The following RTN4 variants were observed in gnomAD, a reference collection of about 807,000 sequenced individuals.
RTN4 encodes reticulon 4.
Under a neutral mutation model 90.4 loss-of-function variants are expected in RTN4, and 32 were observed. The ratio of observed to expected loss-of-function variants is 0.35; its 90% CI spans 0.27 to 0.48. The LOEUF (loss-of-function observed/expected upper bound fraction) is 0.48. RTN4 is among the 20% of genes least tolerant of loss of function. The probability of loss-of-function intolerance (pLI) is 0.99; values close to 1 mark genes in which losing one functional copy is unlikely to be tolerated. For missense variants in RTN4, 1,706 were observed against 1,430.2 expected, an observed-to-expected ratio of 1.19 and a Z score of -3.11; for synonymous variants, 629 against 552.5, an observed-to-expected ratio of 1.14 and a Z score of -1.94.
At chr2:54,978,235 G>A (rs1377320069) in intron 5 of RTN4, among the ~76,000 whole-genome samples, 1 of 152,108 alleles carries the variant, frequency 6.6e-6, no homozygotes, top group East Asian at 1.9e-4. Context: ...TTCGAGACCA[G>A]TCTGGCCAAC....
intron 1 of RTN4, among the ~76,000 whole-genome samples, chr2:55,084,256 T>C (rs1003430238): frequency 4.0e-5 from 6 of 151,410 alleles, no homozygotes; most frequent in Non-Finnish European, 7.4e-5. Context: ...ATACATTGCC[T>C]TGTGCATCTT....
chr2:55,090,243 C>T lies in RTN4; in HGVS notation c.-213-9604G>A, dbSNP rs192255072. On this transcript the variant is annotated intron_variant, in intron 1 of 3. Transcript: ENST00000427710. ...GGTATGATAAGGCCATAGAACTATCCCCAAATGTCCCCTAGGTAGAGTGGC... is the reference window on the plus strand; with the variant it reads ...GGTATGATAAGGCCATAGAACTATCTCCAAATGTCCCCTAGGTAGAGTGGC... 2.5e-3 allele frequency among the ~76,000 whole-genome samples: 386 copies of T among 152,192 alleles called. 3 individuals are homozygous for T. The highest frequency in any genetic ancestry group is 5.0e-3 in the South Asian group (24 of 4,824).
chr2:55,130,617 G>A, the RTN4 span, among the ~76,000 whole-genome samples: 2 of 152,138 alleles, frequency 1.3e-5, no homozygotes, highest in African/African-American at 4.8e-5. Flanking sequence ...CAGGCATGGT[G>A]GTGCATGCCT....
the RTN4 span, among the ~76,000 whole-genome samples, chr2:55,135,213 T>G: frequency 5.7e-5 from 7 of 123,096 alleles, no homozygotes; most frequent in Non-Finnish European, 1.2e-4. Flanking sequence ...TTTTGGTTTT[T>G]TTTTTTTTTT....
At chr2:55,116,711 A>C (rs1240161472), upstream of RTN4, among the ~76,000 whole-genome samples, 1 of 152,162 alleles carries the variant, frequency 6.6e-6, no homozygotes, top group Non-Finnish European at 1.5e-5. Flanking sequence ...GCAGGACCAG[A>C]ATTCAGGTTG....
intron 1 of RTN4, among the ~76,000 whole-genome samples, chr2:55,047,065 G>A (rs1456760579): frequency 1.3e-5 from 2 of 152,158 alleles, no homozygotes; most frequent in Non-Finnish European, 2.9e-5. Flanking sequence ...AGTGGCTCAT[G>A]CCTGTAATCC....
intron 3 of RTN4, among the ~76,000 whole-genome samples, chr2:54,991,332 CAG>C (rs1190165497): frequency 3.3e-5 from 5 of 152,206 alleles, no homozygotes; most frequent in South Asian, 2.1e-4. Flanking sequence ...AATATTATAA[CAG>C]AGTTACTGTT....
chr2:55,023,657 A>G (rs1308022559), intron 3 of RTN4, among the ~76,000 whole-genome samples: 3 of 151,924 alleles, frequency 2.0e-5, no homozygotes, highest in Non-Finnish European at 4.4e-5. Flanking sequence ...TCCTACCTCC[A>G]CTGCATACTC....
At chr2:55,116,091 C>CTTGTTT (rs1668119779), upstream of RTN4, among the ~76,000 whole-genome samples, 1 of 105,474 alleles carries the variant, frequency 9.5e-6, no homozygotes, top group Admixed American at 1.1e-4. Context: ...GGGGACTAGT[C>CTTGTTT]TTTTTTTTTT....
At chr2:55,047,293 G>A (rs1243923243) in intron 1 of RTN4, among the ~76,000 whole-genome samples, 1 of 148,450 alleles carries the variant, frequency 6.7e-6, no homozygotes, top group Admixed American at 6.8e-5. Context: ...TTGCGTCATT[G>A]CACTCCAGCC....
intron 3 of RTN4, among the ~76,000 whole-genome samples, chr2:55,003,746 A>AGACTTTTTTCCT (rs1680009734): frequency 6.6e-6 from 1 of 152,234 alleles, no homozygotes; most frequent in Non-Finnish European, 1.5e-5. Context: ...AAGCAAGTAC[A>AGACTTTTTTCCT]GACTTTTTTC....
chr2:54,973,438 C>A, intron 8 of RTN4, 125 bp downstream of exon 8: 1 of 828,274 alleles, frequency 1.2e-6, no homozygotes, highest in East Asian at 2.6e-5. Flanking sequence ...CTTTTGGCAA[C>A]TCTGAAGTCA....
At chr2:55,082,794 C>A (rs887461113) in intron 1 of RTN4, among the ~76,000 whole-genome samples, 2 of 152,160 alleles carry the variant, frequency 1.3e-5, no homozygotes, top group African/African-American at 4.8e-5. Flanking sequence ...TGTTATCTCA[C>A]TTAATCGTTA....
rs564268587 is a variant in RTN4, at chr2:54,975,915, T to A, written c.3361-1151A>T. On this transcript the variant is annotated intron_variant, in intron 5 of 8. Transcript: ENST00000337526. ...TTAATATCTGTCAATTGAAAAAAAA[T>A]TTTTTTAAGCTGCCGTATTCTTAGC... Among the ~76,000 whole-genome samples the A allele has an allele frequency of 1.2e-3, 179 of 152,228 alleles. 4 individuals carry two copies. The South Asian group carries it at 0.027, about 23-fold the overall frequency.
chr2:54,988,309 T>G (rs777319144), intron 3 of RTN4, among the ~76,000 whole-genome samples: 3 of 152,180 alleles, frequency 2.0e-5, no homozygotes, highest in Admixed American at 6.5e-5. Flanking sequence ...AGAGCAGGAC[T>G]CTGTCTCCAA....
At chr2:55,058,521 T>C (rs1389044210) in intron 2 of RTN4, among the ~76,000 whole-genome samples, 1 of 152,036 alleles carries the variant, frequency 6.6e-6, no homozygotes, top group African/African-American at 2.4e-5. Context: ...TAACAGCTTC[T>C]GAACTTTTTG....
At chr2:55,104,780 A>G (rs980286836) in intron 1 of RTN4, among the ~76,000 whole-genome samples, 2 of 151,970 alleles carry the variant, frequency 1.3e-5, no homozygotes, top group Non-Finnish European at 2.9e-5. Context: ...GAGAAGTAGT[A>G]TCTGTTTATT....
intron 3 of RTN4, among the ~76,000 whole-genome samples, chr2:54,993,090 A>G (rs918255318): frequency 3.8e-4 from 58 of 151,800 alleles, no homozygotes; most frequent in African/African-American, 1.0e-3. Context: ...AAAAAAAAAA[A>G]AAAGAAAAGA....
intron 1 of RTN4, among the ~76,000 whole-genome samples, chr2:55,094,799 C>T (rs903021309): frequency 2.0e-5 from 3 of 152,148 alleles, no homozygotes; most frequent in Non-Finnish European, 4.4e-5. Context: ...CTGACAGTTA[C>T]CCCTGAGTTA....
Sources: allele counts gnomAD v4.1 joint callset (sites outside exome capture counted in the v4.1 genomes callset), GRCh38; gene constraint gnomAD v4.1.1; transcripts MANE v1.5; gene names NCBI Gene and HGNC (gene_info 2026-07-23, HGNC 2026-07-21).